The following DYM variants were observed in gnomAD, a reference collection of about 807,000 sequenced individuals.
The protein encoded by DYM is dymeclin, also known as dyggve-Melchior-Clausen syndrome protein.
Under a neutral mutation model 93.1 loss-of-function variants are expected in DYM, and 78 were observed. The observed-to-expected ratio is 0.84, with a 90% CI of 0.70 to 1.01. The LOEUF is 1.01. Among genes scored for constraint, DYM ranks in the 50% least tolerant of loss-of-function variants. The pLI is 0.00. For missense variants in DYM, 789 were observed against 845.0 expected, an observed-to-expected ratio of 0.93 and a Z score of 0.82; for synonymous variants, 321 against 319.7, an observed-to-expected ratio of 1.00 and a Z score of -0.04.
intron 14 of DYM, among the ~76,000 whole-genome samples, chr18:49,167,033 T>C (rs11874863): frequency 0.097 from 13,472 of 138,702 alleles, 1,695 homozygotes; most frequent in African/African-American, 0.31. Context: ...TGTGTGTGTG[T>C]GCGCGCCTGT....
At chr18:49,082,191 C>T (rs1477355603) in intron 17 of DYM, among the ~76,000 whole-genome samples, 1 of 152,234 alleles carries the variant, frequency 6.6e-6, no homozygotes, top group Non-Finnish European at 1.5e-5. Context: ...TGCCACCATG[C>T]CACGAACTAC....
At chr18:49,266,050 C>T (rs2094565199) in intron 11 of DYM, among the ~76,000 whole-genome samples, 1 of 151,844 alleles carries the variant, frequency 6.6e-6, no homozygotes, top group East Asian at 1.9e-4. Context: ...ATCCCAGCTA[C>T]TTGGGAGGCT....
At chr18:49,097,874 G>T (rs998389655) in intron 16 of DYM, among the ~76,000 whole-genome samples, 2 of 141,180 alleles carry the variant, frequency 1.4e-5, no homozygotes, top group Non-Finnish European at 1.5e-5. Context: ...CTTAATATTA[G>T]CTCTCTCTCT....
intron 13 of DYM, among the ~76,000 whole-genome samples, chr18:49,248,175 TACAATAAA>T (rs1240430735): frequency 6.6e-6 from 1 of 152,240 alleles, no homozygotes; most frequent in African/African-American, 2.4e-5. Context: ...CCTACCAATC[TACAATAAA>T]ACAATTATTA....
chr18:49,303,739 A>C (rs916954892), intron 8 of DYM, among the ~76,000 whole-genome samples: 1 of 152,244 alleles, frequency 6.6e-6, no homozygotes, highest in Admixed American at 6.5e-5. Context: ...TCCTATATTC[A>C]TACAAATGAA....
chr18:49,460,320 G>A (rs1305775387), intron 1 of DYM, 78 bp downstream of exon 1: 1 of 152,068 alleles, frequency 6.6e-6, no homozygotes, highest in East Asian at 1.9e-4. Flanking sequence ...GGTGGCCCCT[G>A]ACCCCCTCTG....
chr18:49,353,071 G>C, intron 6 of DYM, among the ~76,000 whole-genome samples: 1 of 152,154 alleles, frequency 6.6e-6, no homozygotes, highest in African/African-American at 2.4e-5. Context: ...GGTCTTCATA[G>C]AGTAGTTTCA....
At chr18:49,354,058 T>C (rs1241447230) in intron 6 of DYM, among the ~76,000 whole-genome samples, 1 of 152,050 alleles carries the variant, frequency 6.6e-6, no homozygotes, top group Non-Finnish European at 1.5e-5. Flanking sequence ...CAAGACAGCA[T>C]GACACTGGCA....
At chr18:49,415,736 T>G (rs921262393) in intron 2 of DYM, among the ~76,000 whole-genome samples, 21 of 152,038 alleles carry the variant, frequency 1.4e-4, no homozygotes, top group African/African-American at 5.1e-4. Flanking sequence ...GAGACCAGCC[T>G]GACCAACATG....
chr18:49,413,991 C>G (rs2072606719), intron 2 of DYM, among the ~76,000 whole-genome samples: 1 of 151,708 alleles, frequency 6.6e-6, no homozygotes, highest in African/African-American at 2.4e-5. Flanking sequence ...GCCTGGACAA[C>G]AGAGAGAGAC....
At chr18:49,266,037 G>A (rs987745886) in intron 11 of DYM, among the ~76,000 whole-genome samples, 1 of 152,060 alleles carries the variant, frequency 6.6e-6, no homozygotes. Context: ...GTACTTGCTT[G>A]TAATCCCAGC....
rs796373730 is a variant in DYM at position 49,317,551 on chromosome 18, T to TTC, written c.763+14311_763+14312dup. 3.1e-3 allele frequency among the ~76,000 whole-genome samples: 91 copies of TTC among 29,310 alleles called. 4 individuals carry two copies. Among genetic ancestry groups the TTC allele is most frequent in the Non-Finnish European group, 3.8e-3 (61 of 15,858 alleles). 19.2% of individuals were successfully genotyped at this position (29,310 alleles called of 152,430 possible). A position where few individuals can be genotyped will look rare whatever the true frequency, so the allele number is the denominator to read the frequency against. On this transcript the variant is annotated intron_variant, in intron 8 of 17. Transcript: ENST00000675505. ...TGCCCTAGTCCTTAGCCATCTAGAT[T>TTC]TCTCTCTCTCTCTCTCTCTCTCTCT...
chr18:49,301,899 T>C (rs1009452138), intron 8 of DYM, among the ~76,000 whole-genome samples: 2 of 152,170 alleles, frequency 1.3e-5, no homozygotes, highest in Admixed American at 1.3e-4. Context: ...AGCCCTGCCA[T>C]GCAACAGGAG....
Position 49,260,058 on chromosome 18 carries a change from A to T in DYM, c.1252-1565T>A, listed in dbSNP as rs996590378. Among the ~76,000 whole-genome samples, 11 of 152,192 alleles carry T rather than the reference A, an allele frequency of 7.2e-5. No homozygotes were observed. The East Asian group carries it at 2.1e-3, about 29-fold the overall frequency. On this transcript the variant is annotated intron_variant, in intron 11 of 17. Transcript: ENST00000675505. Reference sequence around the variant, plus strand: ...TATTGCATCCATAAAATAAGAAGAGACTGCTATGAAAAGGGAAAATCACAG... The same window carrying T: ...TATTGCATCCATAAAATAAGAAGAGTCTGCTATGAAAAGGGAAAATCACAG...
rs186223810 is a variant in DYM, at chr18:49,295,021, C to A, written c.764-8405G>T. Among the ~76,000 whole-genome samples, 508 of 152,172 alleles carry A rather than the reference C, an allele frequency of 3.3e-3. 9 individuals are homozygous for A. Among genetic ancestry groups the A allele is most frequent in the East Asian group, 7.7e-4 (4 of 5,164 alleles). Reference sequence around the variant, plus strand: ...TAATGAGTTCCTGTTAGGGTCAGGTCCCATGCTAGGAACCAAAAATACAAA... The same window carrying A: ...TAATGAGTTCCTGTTAGGGTCAGGTACCATGCTAGGAACCAAAAATACAAA... On this transcript the variant is annotated intron_variant, in intron 8 of 17. Coordinates refer to ENST00000675505, the MANE Select transcript of DYM (RefSeq NM_001353214.3).
At chr18:49,252,141 C>G (rs973354484) in intron 13 of DYM, among the ~76,000 whole-genome samples, 3 of 132,776 alleles carry the variant, frequency 2.3e-5, no homozygotes, top group Admixed American at 1.8e-4. Context: ...TTGCTTGAAC[C>G]TGGGAGGTGG....
intron 15 of DYM, among the ~76,000 whole-genome samples, chr18:49,154,762 T>A (rs2086199318): frequency 6.6e-6 from 1 of 151,080 alleles, no homozygotes; most frequent in Non-Finnish European, 1.5e-5. Context: ...GAAAGCAAGT[T>A]GCATGTATAC....
At chr18:49,184,355 G>A (rs1183718899) in intron 14 of DYM, among the ~76,000 whole-genome samples, 1 of 151,850 alleles carries the variant, frequency 6.6e-6, no homozygotes, top group Non-Finnish European at 1.5e-5. Context: ...ACTAAGATTA[G>A]ACATTCCATA....
At chr18:49,362,876 G>A (rs567905237) in intron 6 of DYM, among the ~76,000 whole-genome samples, 2 of 152,304 alleles carry the variant, frequency 1.3e-5, no homozygotes, top group Admixed American at 6.5e-5. Flanking sequence ...TTAAAATCTT[G>A]TTTCCAAAGA....
Sources: allele counts gnomAD v4.1 joint callset (sites outside exome capture counted in the v4.1 genomes callset), GRCh38; gene constraint gnomAD v4.1.1; transcripts MANE v1.5; gene names NCBI Gene and HGNC (gene_info 2026-07-23, HGNC 2026-07-21).